Variants in COL20A1 observed in about 807,000 individuals in gnomAD.
COL20A1 encodes the protein collagen type XX alpha 1 chain.
In COL20A1, 164 loss-of-function variants were observed where a neutral mutation model predicts 152.9. The ratio of observed to expected loss-of-function variants is 1.07; its 90% CI spans 0.94 to 1.22. COL20A1 has a LOEUF of 1.22. Among genes scored for constraint, COL20A1 ranks in the 50% most tolerant of loss-of-function variants. COL20A1 has a pLI of 0.00. For missense variants in COL20A1, 1,873 were observed against 1,744.8 expected, an observed-to-expected ratio of 1.07 and a Z score of -1.31; for synonymous variants, 864 against 756.0, an observed-to-expected ratio of 1.14 and a Z score of -2.34.
At chr20:63,318,968 TG>T in intron 21 of COL20A1, 89 bp from the exon 22 acceptor site, 1 of 1,022,476 alleles carries the variant, frequency 9.8e-7, no homozygotes, top group Non-Finnish European at 1.5e-6. Flanking sequence ...GGACTGGCAC[TG>T]GGGCTGGGGC....
At position 63,313,446 on chromosome 20, in the gene COL20A1, C is replaced by T. The variant is rs2068042763; in HGVS notation, c.2209+197C>T. Reference sequence around the variant, plus strand: ...CGGGTATAGGTGTTCCCCCAGTGGCCGAGTGCACAAACCACCTAGTGTCCC... The same window carrying T: ...CGGGTATAGGTGTTCCCCCAGTGGCTGAGTGCACAAACCACCTAGTGTCCC... On this transcript the variant is annotated intron_variant, in intron 17 of 35. Transcript: ENST00000358894. This position sits in a 1 kb window ranked among gnomAD's most constrained non-coding sequence, Gnocchi z 5.9. Among the ~76,000 whole-genome samples, 2 of 152,184 alleles carry T rather than the reference C, an allele frequency of 1.3e-5. No homozygotes were observed. The highest frequency in any genetic ancestry group is 2.4e-5 in the African/African-American group (1 of 41,442).
rs1160317232 is a variant in COL20A1, at chr20:63,306,795, AG to A, written c.497-694del. ...GAAGCAGGATTCTACCTCCCCCGTC[AG>A]ACTTGGAACTGAAGGAAGTGTTCTC... On this transcript the variant is annotated intron_variant, in intron 5 of 35. Coordinates refer to ENST00000358894, the MANE Select transcript of COL20A1 (RefSeq NM_020882.4). This position sits in a 1 kb window ranked among gnomAD's most constrained non-coding sequence, Gnocchi z 6.9. Among the ~76,000 whole-genome samples, 1 of 152,200 alleles carries A rather than the reference AG, an allele frequency of 6.6e-6. No individual in the cohort carries two copies. Among genetic ancestry groups the A allele is most frequent in the Non-Finnish European group, 1.5e-5 (1 of 68,024 alleles).
At chr20:63,293,809 G>T (rs2123361688) in intron 1 of COL20A1, among the ~76,000 whole-genome samples, 1 of 150,666 alleles carries the variant, frequency 6.6e-6, no homozygotes, top group Admixed American at 6.6e-5. Flanking sequence ...TTCCCGCCGG[G>T]TGAGGCCTTT....
chr20:63,307,544 T>C lies in COL20A1; in HGVS notation c.551T>C (p.Val184Ala), dbSNP rs1243390887. Residue 184 changes from valine (V) to alanine (A), a missense_variant, in exon 6 of 36, where the codon GTG (valine) becomes GCG (alanine). Transcript: ENST00000358894. Reference sequence around the variant, plus strand: ...GTGCCTGCTGACATGGTCTTCCTGGTGGACGGGTCCTGGAGCATTGGCCAC... The same window carrying C: ...GTGCCTGCTGACATGGTCTTCCTGGCGGACGGGTCCTGGAGCATTGGCCAC... ...PPVPADMVFL[V>A]DGSWSIGHSH... 6.2e-7 allele frequency: 1 copy of C among 1,612,538 alleles called. No individual in the cohort carries two copies. Among genetic ancestry groups the C allele is most frequent in the Non-Finnish European group, 8.5e-7 (1 of 1,179,636 alleles).
chr20:63,307,545 G>A lies in COL20A1; in HGVS notation c.552G>A (p.Val184=). The change falls in exon 6 of 36, where the codon GTG becomes GTA. Residue 184 remains valine, a synonymous_variant. Coordinates refer to ENST00000358894, the MANE Select transcript of COL20A1 (RefSeq NM_020882.4). ...TGCCTGCTGACATGGTCTTCCTGGT[G>A]GACGGGTCCTGGAGCATTGGCCACA... ...PPVPADMVFL[V]DGSWSIGHSH... The A allele has an allele frequency of 6.2e-7, 1 of 1,612,564 alleles. No homozygotes were observed.
rs752563282 is a variant in COL20A1 at position 63,312,586 on chromosome 20, GGTTTCTGT to G, written c.1933+40_1933+47del. 1.2e-5 allele frequency: 19 copies of G among 1,539,406 alleles called. No homozygotes were observed. The African/African-American group carries it at 2.2e-4, about 18-fold the overall frequency. ...GAGGCTGGGGCTGGGGGTCCAGCAG[GGTTTCTGT>G]GTCCTTCTGCCCTGCTAGACAGTTC... is the stretch of plus-strand genomic sequence containing the variant. On this transcript the variant is annotated intron_variant, in intron 15 of 35. Coordinates refer to ENST00000358894, the MANE Select transcript of COL20A1 (RefSeq NM_020882.4).
Position 63,319,446 on chromosome 20 carries a change from G to A in COL20A1, c.2807-41G>A, listed in dbSNP as rs1442745978. 9.6e-6 allele frequency: 14 copies of A among 1,460,306 alleles called. No homozygotes were observed. The highest frequency in any genetic ancestry group is 1.7e-4 in the Middle Eastern group (1 of 5,772). The allele number at this position is 1,460,306 out of a possible 1,614,324, so 90.5% of individuals were successfully genotyped here. A position where few individuals can be genotyped will look rare whatever the true frequency, so the allele number is the denominator to read the frequency against. ...CCTGCTCAAGGTATAGGCCCGGCTG[G>A]TTGCAGCCCGTTCTCACCTGCTCCA... On this transcript the variant is annotated intron_variant, in intron 22 of 35. Transcript: ENST00000358894. This position sits in a 1 kb window ranked among gnomAD's most constrained non-coding sequence, Gnocchi z 4.4.
In COL20A1 at chr20:63,313,059, C is replaced by A; in HGVS notation, c.2077-58C>A. ...CTCCCAGGGATGCCTCACTGCCCGG[C>A]CCCCCAACCTGAGGACCCCACTGCA... On this transcript the variant is annotated intron_variant, in intron 16 of 35. Coordinates refer to ENST00000358894, the MANE Select transcript of COL20A1 (RefSeq NM_020882.4). The surrounding 1 kb of genome is among the most constrained non-coding windows in gnomAD (Gnocchi z 5.9). The A allele has an allele frequency of 3.2e-6, 5 of 1,565,088 alleles. No individual in the cohort carries two copies. Among genetic ancestry groups the A allele is most frequent in the Non-Finnish European group, 4.3e-6 (5 of 1,153,996 alleles).
In COL20A1 at chr20:63,308,634, G is replaced by A. The variant is rs372806374; in HGVS notation, c.868G>A (p.Gly290Ser). ...CAAGGTGGTGATTCTGGTGACGGAC[G>A]GCAAGTCCCAGGACGATGTGCACAC... is the stretch of plus-strand genomic sequence containing the variant. ...AAKVVILVTD[G>S]KSQDDVHTAA... Residue 290 changes from glycine (G) to serine (S), a missense_variant, in exon 8 of 36, where the codon GGC becomes AGC. Gly to Ser is a moderately conservative substitution (Grantham distance 56). Coordinates refer to ENST00000358894, the MANE Select transcript of COL20A1 (RefSeq NM_020882.4). The A allele has an allele frequency of 4.9e-5, 79 of 1,606,872 alleles. 1 individual carries two copies. The highest frequency in any genetic ancestry group is 8.9e-5 in the South Asian group (8 of 89,842).
rs2067943821 is a variant in COL20A1, at chr20:63,307,602, C to T, written c.609C>T (p.Ala203=). 6.2e-7 allele frequency: 1 copy of T among 1,612,536 alleles called. No homozygotes were observed. The highest frequency in any genetic ancestry group is 1.3e-5 in the African/African-American group (1 of 74,930). The change falls in exon 6 of 36, where the codon GCC becomes GCT. Residue 203 remains alanine, a synonymous_variant. Coordinates refer to ENST00000358894, the MANE Select transcript of COL20A1 (RefSeq NM_020882.4). ...SHFQQVKDFL[A]SVIAPFEIGP... ...TCCAGCAGGTCAAGGACTTCCTGGC[C>T]AGTGTCATCGCACCCTTTGAAATCG...
At position 63,307,772 on chromosome 20, in the gene COL20A1, G is replaced by C. The variant is rs988924719; in HGVS notation, c.655+124G>C. 5 of 1,232,624 alleles carry C rather than the reference G, an allele frequency of 4.1e-6. No homozygotes were observed. In the African/African-American group the frequency reaches 6.0e-5, roughly 15 times the overall value. The allele number at this position is 1,232,624 out of a possible 1,614,324, so 76.4% of individuals were successfully genotyped here. A position where few individuals can be genotyped will look rare whatever the true frequency, so the allele number is the denominator to read the frequency against. ...GGGCTCTCACCTTGTGGGGTGGGACGCCTGCTCCACATGGGGTGTTCTGGG... is the reference window on the plus strand; with the variant it reads ...GGGCTCTCACCTTGTGGGGTGGGACCCCTGCTCCACATGGGGTGTTCTGGG... On this transcript the variant is annotated intron_variant, in intron 6 of 35. Transcript: ENST00000358894.
chr20:63,295,381 C>CAG (rs1435908551), intron 2 of COL20A1, among the ~76,000 whole-genome samples, 192 bp downstream of exon 2: 1 of 152,264 alleles, frequency 6.6e-6, no homozygotes, highest in African/African-American at 2.4e-5. Flanking sequence ...TTCAGCCTCG[C>CAG]CTTGGGAGCA....
At chr20:63,297,767 G>C in intron 2 of COL20A1, 143 bp from the exon 3 acceptor site, 1 of 627,086 alleles carries the variant, frequency 1.6e-6, no homozygotes, top group East Asian at 2.9e-5. Context: ...AGACACCCTG[G>C]GTGGGCTTCT....
In COL20A1 at chr20:63,316,655, C is replaced by T. The variant is rs139560899; in HGVS notation, c.2627C>T (p.Thr876Met). Reference protein sequence around the residue: ...PSAFGGTPTFTLFKDAQLTRR... With the variant: ...PSAFGGTPTFMLFKDAQLTRR... ...GCCTTCGGTGGGACCCCGACCTTCACGCTCTTCAAGGACGCCCAGCTGACA... is the reference window on the plus strand; with the variant it reads ...GCCTTCGGTGGGACCCCGACCTTCATGCTCTTCAAGGACGCCCAGCTGACA... The change falls in exon 21 of 36, where the codon ACG becomes ATG. Residue 876 changes from threonine to methionine, a missense_variant. Thr to Met is a moderately conservative substitution (Grantham distance 81). Coordinates refer to ENST00000358894, the MANE Select transcript of COL20A1 (RefSeq NM_020882.4). 9 of 1,576,034 alleles carry T rather than the reference C, an allele frequency of 5.7e-6. No individual in the cohort carries two copies. The highest frequency in any genetic ancestry group is 2.3e-5 in the East Asian group (1 of 43,006).
At chr20:63,315,725 C>T (rs542583049) in intron 20 of COL20A1, among the ~76,000 whole-genome samples, 3 of 152,316 alleles carry the variant, frequency 2.0e-5, no homozygotes, top group Admixed American at 2.0e-4. Flanking sequence ...AGGGTCTCTG[C>T]TGACTGGAGC....
Position 63,295,124 on chromosome 20 carries a change from C to G in COL20A1, c.17C>G (p.Pro6Arg). Reference sequence around the variant, plus strand: ...CCGAGCACCATGAGCTCCGGAGACCCTGCACACCTCGGCCTCTGCCTCTGG... The same window carrying G: ...CCGAGCACCATGAGCTCCGGAGACCGTGCACACCTCGGCCTCTGCCTCTGG... Reference protein sequence around the residue: MSSGDPAHLGLCLWLW... With the variant: MSSGDRAHLGLCLWLW... Residue 6 changes from proline to arginine, a missense_variant, in exon 2 of 36, where the codon CCT becomes CGT. Transcript: ENST00000358894. 1 of 1,552,340 alleles carries G rather than the reference C, an allele frequency of 6.4e-7. No individual in the cohort carries two copies. Among genetic ancestry groups the G allele is most frequent in the Non-Finnish European group, 8.7e-7 (1 of 1,148,026 alleles).
intron 25 of COL20A1, among the ~76,000 whole-genome samples, 164 bp from the exon 26 acceptor site, chr20:63,320,849 A>T (rs977709197): frequency 6.6e-6 from 1 of 152,058 alleles, no homozygotes; most frequent in Non-Finnish European, 1.5e-5. Flanking sequence ...TGAGTCCTGG[A>T]CCTGCCCACT....
chr20:63,330,461 A>G (rs1036693544), intron 35 of COL20A1, among the ~76,000 whole-genome samples: 3 of 152,162 alleles, frequency 2.0e-5, no homozygotes, highest in African/African-American at 7.2e-5. Context: ...GAATCAGGTC[A>G]GAGCCCAGGG....
In COL20A1 at chr20:63,307,984, C is replaced by T. The variant is rs749122933; in HGVS notation, c.669C>T (p.Tyr223=). ...CCTGCTCCCCAGGCCTGACTCAGTA[C>T]AGCGGGGATGCTCAGACTGAGTGGG... The part of the protein sequence containing the change: ...PDKVQVGLTQ[Y]SGDAQTEWDL... Residue 223 remains tyrosine (Y), a synonymous_variant, in exon 7 of 36, where the codon TAC becomes TAT. Transcript: ENST00000358894. 3 of 1,612,594 alleles carry T rather than the reference C, an allele frequency of 1.9e-6. No homozygotes were observed. The highest frequency in any genetic ancestry group is 1.1e-5 in the South Asian group (1 of 91,078).
Sources: gnomAD v4.1 joint callset for allele counts (sites outside exome capture counted in the v4.1 genomes callset) on GRCh38, gnomAD v4.1.1 for gene constraint, Gnocchi (gnomAD v3.1) non-coding constraint, MANE v1.5 for transcripts, NCBI Gene and HGNC (gene_info 2026-07-23, HGNC 2026-07-21) for gene names.